ABHD14A: variants seen among roughly 807,000 people sequenced by gnomAD.
ABHD14A encodes abhydrolase domain containing 14A.
ABHD14A carries 19 observed loss-of-function variants against 27.0 expected under a neutral mutation model. That is an observed-to-expected ratio of 0.70 (90% CI 0.49 to 1.03). The LOEUF (loss-of-function observed/expected upper bound fraction) is 1.03. ABHD14A is among the 50% of genes least tolerant of loss of function. The probability of loss-of-function intolerance (pLI) is 0.00; values close to 1 mark genes in which losing one functional copy is unlikely to be tolerated. For missense variants in ABHD14A, 311 were observed against 344.6 expected (o/e 0.90, Z 0.77); for synonymous variants, 148 against 158.8 (o/e 0.93, Z 0.51).
chr3:51,981,138 A>G lies in ABHD14A; in HGVS notation c.*120A>G, dbSNP rs1700901571. On this transcript the variant is annotated 3_prime_UTR_variant, in exon 5 of 5. Transcript: ENST00000273596. ...CCAGAGGCCAGGGTCAGACCCAGCC[A>G]GGACTCCTCATTTCATCTCACAGAC... 1 of 1,052,274 alleles carries G rather than the reference A, an allele frequency of 9.5e-7. No homozygotes were observed. The allele number at this position is 1,052,274 out of a possible 1,614,324, so 65.2% of individuals were successfully genotyped here. A position where few individuals can be genotyped will look rare whatever the true frequency, so the allele number is the denominator to read the frequency against.
chr3:51,977,368 G>C (rs1204827275), intron 1 of ABHD14A, among the ~76,000 whole-genome samples: 2 of 152,100 alleles, frequency 1.3e-5, no homozygotes, highest in African/African-American at 4.8e-5. Flanking sequence ...TTGGCAAACC[G>C]AGTGTGGCCT....
intron 1 of ABHD14A, among the ~76,000 whole-genome samples, chr3:51,975,740 CCTGA>C (rs1195309311): frequency 5.3e-5 from 8 of 152,098 alleles, no homozygotes; most frequent in African/African-American, 1.4e-4. Context: ...CTTCCTGATG[CCTGA>C]CTGTGTGCGT....
chr3:51,977,764 T>C (rs1577715975), intron 1 of ABHD14A, 107 bp from the exon 2 acceptor site: 4 of 1,075,074 alleles, frequency 3.7e-6, no homozygotes. Flanking sequence ...GGGCAAGGGC[T>C]GGAGCTCTTC....
intron 2 of ABHD14A, 51 bp downstream of exon 2, chr3:51,978,133 C>T (rs1261974445): frequency 1.3e-6 from 2 of 1,574,852 alleles, no homozygotes; most frequent in South Asian, 1.1e-5. Context: ...AAGGGGAGTC[C>T]CTGTGTGGGA....
At chr3:51,975,342 T>G in intron 1 of ABHD14A, 138 bp downstream of exon 1, 2 of 794,820 alleles carry the variant, frequency 2.5e-6, no homozygotes, top group Non-Finnish European at 3.4e-6. Context: ...TGTGCGCGCG[T>G]GTAATGTGTG....
At chr3:51,980,112 C>T (rs550874349) in intron 3 of ABHD14A, 446 of 439,264 alleles carry the variant, frequency 1.0e-3, no homozygotes, top group African/African-American at 7.7e-3. Context: ...TTAGTAGAGA[C>T]GGAGTTTCAC....
At chr3:51,977,037 A>G (rs779964489) in intron 1 of ABHD14A, among the ~76,000 whole-genome samples, 6 of 151,944 alleles carry the variant, frequency 3.9e-5, no homozygotes, top group Non-Finnish European at 5.9e-5. Flanking sequence ...CAACCTCTAC[A>G]CTGTGCTTTT....
At chr3:51,975,649 G>A (rs1700773495) in intron 1 of ABHD14A, among the ~76,000 whole-genome samples, 1 of 152,028 alleles carries the variant, frequency 6.6e-6, no homozygotes, top group South Asian at 2.1e-4. Context: ...TAGTCTTACG[G>A]TTGTGTGTAT....
At chr3:51,979,193 C>T (rs1233448960) in intron 3 of ABHD14A, among the ~76,000 whole-genome samples, 1 of 152,170 alleles carries the variant, frequency 6.6e-6, no homozygotes, top group East Asian at 1.9e-4. Context: ...GCACATCCAT[C>T]TGTAGCTTGG....
chr3:51,978,904 T>G (rs780498416), intron 3 of ABHD14A: 10 of 326,316 alleles, frequency 3.1e-5, no homozygotes, highest in South Asian at 2.2e-4. Context: ...GCAGTGTACT[T>G]TCTATGGCAA....
intron 2 of ABHD14A, 88 bp from the exon 3 acceptor site, chr3:51,978,171 C>A: frequency 6.5e-7 from 1 of 1,533,016 alleles, no homozygotes; most frequent in Non-Finnish European, 8.8e-7. Flanking sequence ...GTGCTCAGGT[C>A]CTGGGAGGGC....
intron 3 of ABHD14A, chr3:51,979,019 A>C (rs1185035270): frequency 4.4e-6 from 1 of 225,326 alleles, no homozygotes; most frequent in African/African-American, 2.3e-5. Context: ...AAAAATACTA[A>C]AAAATAGCAA....
At chr3:51,975,768 C>T (rs1021105515) in intron 1 of ABHD14A, among the ~76,000 whole-genome samples, 17 of 152,094 alleles carry the variant, frequency 1.1e-4, no homozygotes, top group Admixed American at 1.1e-3. Flanking sequence ...GTAGAGGGTA[C>T]CATTACAAGG....
At chr3:51,978,812 G>T (rs890070714) in intron 3 of ABHD14A, 1 of 222,132 alleles carries the variant, frequency 4.5e-6, no homozygotes, top group African/African-American at 2.3e-5. Flanking sequence ...GGCTGGTCCT[G>T]AACTCCCGAC....
rs1202609115 is a variant in ABHD14A, at chr3:51,975,104, C to T, written c.-32C>T. On this transcript the variant is annotated 5_prime_UTR_variant, in exon 1 of 5. Transcript: ENST00000273596. Reference sequence around the variant, plus strand: ...TGGCCGCGCTCCTGGCCGCCTAGAGCCGGAGCGGCCCGCGGAGCTGCGGAG... The same window carrying T: ...TGGCCGCGCTCCTGGCCGCCTAGAGTCGGAGCGGCCCGCGGAGCTGCGGAG... 3.9e-6 allele frequency: 5 copies of T among 1,286,566 alleles called. No individual in the cohort carries two copies. Among genetic ancestry groups the T allele is most frequent in the Non-Finnish European group, 3.9e-6 (4 of 1,016,602 alleles). The allele number at this position is 1,286,566 out of a possible 1,614,324, so 79.7% of individuals were successfully genotyped here. A position where few individuals can be genotyped will look rare whatever the true frequency, so the allele number is the denominator to read the frequency against.
At chr3:51,978,942 C>A in intron 3 of ABHD14A, 1 of 311,870 alleles carries the variant, frequency 3.2e-6, no homozygotes, top group Non-Finnish European at 7.0e-6. Context: ...TTTTTAAGTA[C>A]ACAAATGATT....
At chr3:51,979,533 G>A (rs1700869290) in intron 3 of ABHD14A, among the ~76,000 whole-genome samples, 1 of 143,116 alleles carries the variant, frequency 7.0e-6, no homozygotes, top group African/African-American at 2.6e-5. Context: ...CACCCTGGCT[G>A]GAGTGCAGTG....
chr3:51,979,456 T>G lies in ABHD14A; in HGVS notation c.398-937T>G, dbSNP rs181506484. ...GGCCAAAGGATGTGTTGTGTTTTGTTTTTTTTTTGTTTGTTTCTTTTTTTG... is the reference window on the plus strand; with the variant it reads ...GGCCAAAGGATGTGTTGTGTTTTGTGTTTTTTTTGTTTGTTTCTTTTTTTG... On this transcript the variant is annotated intron_variant, in intron 3 of 4. Coordinates refer to ENST00000273596, the MANE Select transcript of ABHD14A (RefSeq NM_015407.5). Among the ~76,000 whole-genome samples, 3 of 150,972 alleles carry G rather than the reference T, an allele frequency of 2.0e-5. No individual in the cohort carries two copies. In the East Asian group the frequency reaches 5.8e-4, roughly 29 times the overall value.
At chr3:51,979,328 G>A (rs753761497) in intron 3 of ABHD14A, among the ~76,000 whole-genome samples, 1 of 152,172 alleles carries the variant, frequency 6.6e-6, no homozygotes, top group Non-Finnish European at 1.5e-5. Context: ...TTCCTCTACT[G>A]GCGGAGTGCT....
Sources: allele counts gnomAD v4.1 joint callset (sites outside exome capture counted in the v4.1 genomes callset), GRCh38; gene constraint gnomAD v4.1.1; transcripts MANE v1.5; gene names NCBI Gene and HGNC (gene_info 2026-07-23, HGNC 2026-07-21).